RIMS2: variants seen among roughly 807,000 people sequenced by gnomAD.
RIMS2 encodes regulating synaptic membrane exocytosis protein 2.
RIMS2 carries 59 observed loss-of-function variants against 174.4 expected under a neutral mutation model. That is an observed-to-expected ratio of 0.34 (90% CI 0.27 to 0.42). The LOEUF (loss-of-function observed/expected upper bound fraction) is 0.42. RIMS2 is among the 10% of genes least tolerant of loss of function. RIMS2 has a pLI of 1.00. For missense variants in RIMS2, 1,620 were observed against 1,666.3 expected, an observed-to-expected ratio of 0.97 and a Z score of 0.48; for synonymous variants, 606 against 572.5, an observed-to-expected ratio of 1.06 and a Z score of -0.84.
At chr8:103,868,624 T>G (rs190109166) in intron 3 of RIMS2, among the ~76,000 whole-genome samples, 8 of 152,240 alleles carry the variant, frequency 5.3e-5, no homozygotes, top group Admixed American at 5.2e-4. Context: ...TTAAATTTTT[T>G]TCATGGTTTT....
At chr8:103,671,562 A>G (rs1011917634) in intron 1 of RIMS2, among the ~76,000 whole-genome samples, 11 of 152,054 alleles carry the variant, frequency 7.2e-5, no homozygotes, top group African/African-American at 2.7e-4. Flanking sequence ...GGTCCTTTCT[A>G]CCCTTTCCAT....
intron 19 of RIMS2, among the ~76,000 whole-genome samples, chr8:104,069,768 T>G (rs1485427868): frequency 6.6e-6 from 1 of 152,128 alleles, no homozygotes; most frequent in Non-Finnish European, 1.5e-5. Context: ...CCCGGCCTAT[T>G]TCATTGTTCT....
rs71297262 is a variant in RIMS2 at position 104,173,613 on chromosome 8, A to ATTTTTTTT, written c.3335-71277_3335-71270dup. 3.6e-3 allele frequency among the ~76,000 whole-genome samples: 193 copies of ATTTTTTTT among 54,238 alleles called. 36 individuals are homozygous for ATTTTTTTT. The highest frequency in any genetic ancestry group is 4.5e-3 in the Non-Finnish European group (149 of 33,266). 35.6% of individuals were successfully genotyped at this position (54,238 alleles called of 152,430 possible). A position where few individuals can be genotyped will look rare whatever the true frequency, so the allele number is the denominator to read the frequency against. On this transcript the variant is annotated intron_variant, in intron 19 of 23. Transcript: ENST00000504942. ...AATATTTACTACCTTAGCTCTTCTGATTTTTTTTTTTTTTTTTTTTTTTTT... is the reference window on the plus strand; with the variant it reads ...AATATTTACTACCTTAGCTCTTCTGATTTTTTTTTTTTTTTTTTTTTTTTTTTTTTTTT...
chr8:104,001,124 C>G (rs1350003298), intron 17 of RIMS2, among the ~76,000 whole-genome samples: 1 of 151,702 alleles, frequency 6.6e-6, no homozygotes. Flanking sequence ...AGGTCTTACT[C>G]AAGAAATCTT....
At chr8:103,953,237 G>A (rs61640381) in intron 14 of RIMS2, among the ~76,000 whole-genome samples, 3,652 of 117,086 alleles carry the variant, frequency 0.031, 169 homozygotes, top group African/African-American at 0.088. Context: ...ATTCAAATTC[G>A]GAAATACAAA....
At chr8:103,678,815 A>G (rs972718707) in intron 1 of RIMS2, among the ~76,000 whole-genome samples, 1 of 152,228 alleles carries the variant, frequency 6.6e-6, no homozygotes, top group Non-Finnish European at 1.5e-5. Context: ...TTCATGGACT[A>G]TCTGGGGGTG....
chr8:104,096,419 T>C (rs973272231), intron 19 of RIMS2, among the ~76,000 whole-genome samples: 1 of 152,150 alleles, frequency 6.6e-6, no homozygotes, highest in African/African-American at 2.4e-5. Flanking sequence ...AAGGGAAAGA[T>C]GGTACATTCT....
chr8:104,162,343 A>T (rs1056114972), intron 19 of RIMS2, among the ~76,000 whole-genome samples: 3 of 152,054 alleles, frequency 2.0e-5, no homozygotes, highest in African/African-American at 7.3e-5. Flanking sequence ...ACCCACAGTT[A>T]TTAAGATTTA....
At chr8:104,186,281 A>G (rs2098967635) in intron 19 of RIMS2, among the ~76,000 whole-genome samples, 1 of 151,658 alleles carries the variant, frequency 6.6e-6, no homozygotes, top group Non-Finnish European at 1.5e-5. Flanking sequence ...GGTACAATGT[A>G]TATTATTTGG....
chr8:104,112,114 AT>A (rs974644373), intron 19 of RIMS2, among the ~76,000 whole-genome samples: 1 of 152,138 alleles, frequency 6.6e-6, no homozygotes, highest in African/African-American at 2.4e-5. Flanking sequence ...AAAAGAATTA[AT>A]TTTACATATT....
intron 1 of RIMS2, among the ~76,000 whole-genome samples, chr8:103,555,933 A>G (rs111517910): frequency 2.0e-4 from 30 of 152,212 alleles, no homozygotes; most frequent in East Asian, 9.6e-4. Context: ...GAAATAAACT[A>G]TGGATAGAAA....
chr8:103,764,930 C>G (rs2098152151), intron 2 of RIMS2, among the ~76,000 whole-genome samples: 2 of 151,804 alleles, frequency 1.3e-5, no homozygotes, highest in Admixed American at 6.6e-5. Context: ...AATGAAAGAA[C>G]AAAATAATAA....
At chr8:103,981,420 G>A (rs1215165791) in intron 16 of RIMS2, among the ~76,000 whole-genome samples, 3 of 152,150 alleles carry the variant, frequency 2.0e-5, no homozygotes, top group Non-Finnish European at 4.4e-5. Flanking sequence ...ACCTTCCCAA[G>A]AAGGATGGGC....
chr8:104,100,986 A>G (rs1229543885), intron 19 of RIMS2, among the ~76,000 whole-genome samples: 1 of 142,340 alleles, frequency 7.0e-6, no homozygotes, highest in Non-Finnish European at 1.5e-5. Context: ...ATGATATATT[A>G]TATAGTATAT....
At chr8:103,823,895 C>T (rs2098769372) in intron 3 of RIMS2, among the ~76,000 whole-genome samples, 1 of 151,904 alleles carries the variant, frequency 6.6e-6, no homozygotes, top group Non-Finnish European at 1.5e-5. Context: ...ATCCAATCAT[C>T]TAATATACAC....
intron 3 of RIMS2, among the ~76,000 whole-genome samples, chr8:103,879,605 T>C (rs1446123951): frequency 1.3e-5 from 2 of 151,536 alleles, no homozygotes; most frequent in Non-Finnish European, 3.0e-5. Context: ...CCCCCAATCT[T>C]TTCAAGACCT....
In RIMS2 at chr8:103,734,262, C is replaced by T. The variant is rs1009048146; in HGVS notation, c.388-31965C>T. ...TCTTGACCTTGTGATCTACCCACCT[C>T]GGCCTCCCAAAGTGTTGGGATTACA... On this transcript the variant is annotated intron_variant, in intron 2 of 23. Coordinates refer to ENST00000504942, the Ensembl canonical transcript of RIMS2. 6.7e-5 allele frequency among the ~76,000 whole-genome samples: 10 copies of T among 150,020 alleles called. No individual in the cohort carries two copies. The East Asian group carries it at 2.0e-3, about 29-fold the overall frequency.
At chr8:104,056,172 A>C in intron 19 of RIMS2, among the ~76,000 whole-genome samples, 1 of 152,158 alleles carries the variant, frequency 6.6e-6, no homozygotes, top group East Asian at 1.9e-4. Flanking sequence ...TGGGAGGCCA[A>C]GGCGGGCAGA....
At chr8:103,675,971 A>G (rs951133533) in intron 1 of RIMS2, among the ~76,000 whole-genome samples, 2 of 152,136 alleles carry the variant, frequency 1.3e-5, no homozygotes, top group African/African-American at 2.4e-5. Flanking sequence ...CTCTTAGGTG[A>G]AAAAAAGGTA....
Sources: allele counts gnomAD v4.1 joint callset (sites outside exome capture counted in the v4.1 genomes callset), GRCh38; gene constraint gnomAD v4.1.1; transcripts MANE v1.5; gene names NCBI Gene and HGNC (gene_info 2026-07-23, HGNC 2026-07-21).